TBC1D12: variants seen among roughly 807,000 people sequenced by gnomAD.
TBC1D12 encodes TBC1 domain family, member 12.
In TBC1D12, 56 loss-of-function variants were observed where a neutral mutation model predicts 86.7. That is an observed-to-expected ratio of 0.65 (90% CI 0.52 to 0.81). The LOEUF is 0.81. Among genes scored for constraint, TBC1D12 ranks in the 30% least tolerant of loss-of-function variants. The pLI is 0.00. For synonymous variants in TBC1D12, 421 were observed against 411.7 expected (o/e 1.02, Z -0.27); for missense variants, 1,023 against 1,038.8 (o/e 0.98, Z 0.21).
At chr10:94,415,751 A>G (rs1206661167) in intron 1 of TBC1D12, among the ~76,000 whole-genome samples, 1 of 152,222 alleles carries the variant, frequency 6.6e-6, no homozygotes, top group Admixed American at 6.5e-5. Context: ...GTCTCAAAAA[A>G]AAGACTAATA....
intron 2 of TBC1D12, among the ~76,000 whole-genome samples, chr10:94,465,655 A>AAATAT (rs1554941178): frequency 9.4e-6 from 1 of 106,728 alleles, no homozygotes; most frequent in South Asian, 3.6e-4. Context: ...TAAAAAAAAA[A>AAATAT]ATATATATAT....
chr10:94,469,667 C>T (rs2055875333), intron 2 of TBC1D12, among the ~76,000 whole-genome samples: 1 of 152,080 alleles, frequency 6.6e-6, no homozygotes, highest in African/African-American at 2.4e-5. Context: ...CCAGGCTGGT[C>T]TCGAACTCCT....
intron 7 of TBC1D12, among the ~76,000 whole-genome samples, chr10:94,508,278 T>C (rs1012931025): frequency 2.6e-5 from 4 of 151,880 alleles, no homozygotes; most frequent in African/African-American, 7.2e-5. Flanking sequence ...GGGATAGATA[T>C]AATTTTATAT....
At chr10:94,489,007 G>A (rs936492549) in intron 3 of TBC1D12, among the ~76,000 whole-genome samples, 1 of 152,202 alleles carries the variant, frequency 6.6e-6, no homozygotes, top group Non-Finnish European at 1.5e-5. Flanking sequence ...CAAATGTCCT[G>A]TCTGGTGTCT....
At chr10:94,413,278 A>T (rs940699907) in intron 1 of TBC1D12, among the ~76,000 whole-genome samples, 9 of 152,176 alleles carry the variant, frequency 5.9e-5, no homozygotes, top group African/African-American at 2.2e-4. Flanking sequence ...CCTTTTTATT[A>T]ATGGGAAAAA....
intron 11 of TBC1D12, among the ~76,000 whole-genome samples, chr10:94,529,326 A>G (rs1023683971): frequency 6.6e-6 from 1 of 152,188 alleles, no homozygotes; most frequent in Non-Finnish European, 1.5e-5. Flanking sequence ...TTTTTTAAAA[A>G]TTAAGTTATT....
intron 2 of TBC1D12, among the ~76,000 whole-genome samples, chr10:94,461,072 T>C (rs1023453662): frequency 6.6e-6 from 1 of 152,224 alleles, no homozygotes; most frequent in Non-Finnish European, 1.5e-5. Flanking sequence ...CTGACTCTGG[T>C]TCTAATGCTT....
chr10:94,402,914 TC>T lies in TBC1D12; in HGVS notation c.302del (p.Ser101TrpfsTer33). 1.3e-6 allele frequency: 2 copies of T among 1,507,646 alleles called. No individual in the cohort carries two copies. The highest frequency in any genetic ancestry group is 2.5e-5 in the South Asian group (2 of 78,548). 93.4% of individuals were successfully genotyped at this position (1,507,646 alleles called of 1,614,324 possible). A position where few individuals can be genotyped will look rare whatever the true frequency, so the allele number is the denominator to read the frequency against. On this transcript the variant is annotated frameshift_variant, in exon 1 of 13. Transcript: ENST00000225235. LOFTEE classifies it high-confidence loss of function. ...TGGCCAGGCCGGCGCCCCGCCGCCC[TC>T]GGCAGCCCCACGATCGGACGCCTGC... ...PAGQAGAPPP[S>X]AAPRSDACLL...
intron 1 of TBC1D12, among the ~76,000 whole-genome samples, chr10:94,434,009 A>G (rs1427759045): frequency 6.6e-6 from 1 of 152,110 alleles, no homozygotes; most frequent in Non-Finnish European, 1.5e-5. Flanking sequence ...TATTGTTAGT[A>G]TGGTTTCTGA....
At chr10:94,497,292 G>C (rs540162369) in intron 5 of TBC1D12, 120 bp downstream of exon 5, 37 of 441,680 alleles carry the variant, frequency 8.4e-5, no homozygotes, top group African/African-American at 7.8e-4. Flanking sequence ...ACAATGTGCA[G>C]GTTAGTTACA....
At chr10:94,529,206 C>T (rs1039420667) in intron 11 of TBC1D12, among the ~76,000 whole-genome samples, 13 of 152,164 alleles carry the variant, frequency 8.5e-5, no homozygotes, top group African/African-American at 2.4e-4. Context: ...TGGGGTCTCA[C>T]TATGTTGCCC....
intron 2 of TBC1D12, among the ~76,000 whole-genome samples, chr10:94,449,661 A>G (rs2055520659): frequency 6.6e-6 from 1 of 152,212 alleles, no homozygotes; most frequent in Non-Finnish European, 1.5e-5. Context: ...TTACTCACTA[A>G]TGTGGTTTAA....
At chr10:94,405,206 C>A (rs74153322) in intron 1 of TBC1D12, among the ~76,000 whole-genome samples, 3,316 of 151,880 alleles carry the variant, frequency 0.022, 123 homozygotes, top group African/African-American at 0.074. Context: ...GTTTTTCTAC[C>A]TTTTCGGGGA....
At chr10:94,417,958 G>C (rs542228454) in intron 1 of TBC1D12, among the ~76,000 whole-genome samples, 127 of 152,082 alleles carry the variant, frequency 8.4e-4, no homozygotes, top group African/African-American at 2.8e-3. Context: ...GTTTCACCGT[G>C]TTAGCCAGGA....
chr10:94,415,763 A>C (rs552561049), intron 1 of TBC1D12, among the ~76,000 whole-genome samples: 1 of 152,240 alleles, frequency 6.6e-6, no homozygotes, highest in East Asian at 1.9e-4. Context: ...AGACTAATAA[A>C]ACTTTTGATA....
In TBC1D12 at chr10:94,403,495, G is replaced by A. The variant is rs1398262962; in HGVS notation, c.882G>A (p.Pro294=). ...SARDHLPPAG[P]PVPLPAAEQG... is the part of the protein sequence containing the mutation. ...GCGATCACCTGCCCCCGGCGGGGCC[G>A]CCGGTGCCCTTGCCCGCCGCGGAGC... is the stretch of plus-strand genomic sequence containing the variant. The change falls in exon 1 of 13, where the codon CCG becomes CCA. Residue 294 remains proline (P), a synonymous_variant. Transcript: ENST00000225235. 2.6e-6 allele frequency: 4 copies of A among 1,546,190 alleles called. No individual in the cohort carries two copies. Among genetic ancestry groups the A allele is most frequent in the East Asian group, 2.5e-5 (1 of 39,564 alleles).
chr10:94,448,661 T>C (rs2055506404), intron 2 of TBC1D12, among the ~76,000 whole-genome samples: 1 of 152,146 alleles, frequency 6.6e-6, no homozygotes, highest in Admixed American at 6.5e-5. Flanking sequence ...ATATTTTTAG[T>C]AGAGACAGGG....
At chr10:94,418,763 A>G (rs2055034809) in intron 1 of TBC1D12, among the ~76,000 whole-genome samples, 1 of 150,856 alleles carries the variant, frequency 6.6e-6, no homozygotes, top group Non-Finnish European at 1.5e-5. Context: ...AGTAGAGGTG[A>G]GGTTTCGCCA....
intron 2 of TBC1D12, among the ~76,000 whole-genome samples, chr10:94,459,571 C>T (rs941718485): frequency 6.6e-6 from 1 of 152,220 alleles, no homozygotes; most frequent in Non-Finnish European, 1.5e-5. Context: ...GAGGCTCGGG[C>T]CGCGCAGGAG....
Sources: allele counts gnomAD v4.1 joint callset (sites outside exome capture counted in the v4.1 genomes callset), GRCh38; gene constraint gnomAD v4.1.1; transcripts MANE v1.5; gene names NCBI Gene and HGNC (gene_info 2026-07-23, HGNC 2026-07-21).